ZNF676: variants seen among roughly 807,000 people sequenced by gnomAD.
The protein encoded by ZNF676 is zinc finger protein 676.
Under a neutral mutation model 6.0 loss-of-function variants are expected in ZNF676, and 4 were observed. The observed-to-expected ratio is 0.67, with a 90% CI of 0.33 to 1.53. The LOEUF (loss-of-function observed/expected upper bound fraction) is 1.53, where lower values mean the gene tolerates loss of function less well. ZNF676 is among the 40% of genes most tolerant of loss of function. ZNF676 has a pLI of 0.06. For missense variants in ZNF676, 644 were observed against 679.7 expected (o/e 0.95, Z 0.58); for synonymous variants, 198 against 223.1 (o/e 0.89, Z 1.00).
the ZNF676 span, among the ~76,000 whole-genome samples, chr19:22,251,901 G>A: frequency 1.3e-5 from 2 of 151,978 alleles, no homozygotes; most frequent in Admixed American, 6.6e-5. Flanking sequence ...GTTTACTTGG[G>A]ATAATTTTAC....
the ZNF676 span, among the ~76,000 whole-genome samples, chr19:22,224,994 C>CA: frequency 1.6e-4 from 23 of 146,868 alleles, 1 homozygote; most frequent in Middle Eastern, 3.5e-3. Flanking sequence ...GACCCTCTGT[C>CA]AAAAAAAAAA....
intron 2 of ZNF676, among the ~76,000 whole-genome samples, chr19:22,187,861 A>G (rs1348538751): frequency 1.3e-5 from 2 of 152,154 alleles, no homozygotes; most frequent in African/African-American, 4.8e-5. Flanking sequence ...CAAGTTCTGA[A>G]ATTGAGGCGG....
At chr19:22,245,795 C>A in the ZNF676 span, among the ~76,000 whole-genome samples, 1 of 152,050 alleles carries the variant, frequency 6.6e-6, no homozygotes, top group South Asian at 2.1e-4. Context: ...TTGGACCCAG[C>A]CATATATCAC....
At chr19:22,182,635 T>C (rs936393752) in intron 2 of ZNF676, among the ~76,000 whole-genome samples, 1 of 61,816 alleles carries the variant, frequency 1.6e-5, no homozygotes, top group Non-Finnish European at 3.4e-5. Context: ...AAAGTGAGAA[T>C]AAATACCATC....
upstream of ZNF676, among the ~76,000 whole-genome samples, chr19:22,200,297 T>C (rs2024011432): frequency 6.6e-6 from 1 of 151,906 alleles, no homozygotes; most frequent in Non-Finnish European, 1.5e-5. Flanking sequence ...CTTAGCAGGG[T>C]AAAAGAACTA....
chr19:22,195,188 A>G (rs2023954046), intron 1 of ZNF676, among the ~76,000 whole-genome samples: 1 of 152,196 alleles, frequency 6.6e-6, no homozygotes, highest in South Asian at 2.1e-4. Flanking sequence ...TGGGAGCACA[A>G]CTACATGAGA....
the ZNF676 span, among the ~76,000 whole-genome samples, chr19:22,223,384 C>A: frequency 3.9e-5 from 6 of 152,132 alleles, no homozygotes; most frequent in Non-Finnish European, 5.9e-5. Flanking sequence ...TGAAGAAATT[C>A]TTCAACCTGA....
At chr19:22,253,382 A>ATATATGATAATGTG in the ZNF676 span, among the ~76,000 whole-genome samples, 1 of 102,872 alleles carries the variant, frequency 9.7e-6, no homozygotes, top group African/African-American at 3.6e-5. Context: ...GTATATATAT[A>ATATATGATAATGTG]TATATATATA....
At chr19:22,235,048 AGG>A in the ZNF676 span, among the ~76,000 whole-genome samples, 107 of 147,896 alleles carry the variant, frequency 7.2e-4, no homozygotes, top group African/African-American at 2.5e-3. Context: ...AAAAGAAGGA[AGG>A]CAGAAAGGCA....
the ZNF676 span, among the ~76,000 whole-genome samples, chr19:22,240,438 C>G: frequency 6.6e-6 from 1 of 151,858 alleles, no homozygotes; most frequent in African/African-American, 2.4e-5. Context: ...AGGGTCCAGG[C>G]AGGAGACTCA....
the ZNF676 span, among the ~76,000 whole-genome samples, chr19:22,249,449 G>A: frequency 6.6e-6 from 1 of 152,100 alleles, no homozygotes; most frequent in Admixed American, 6.6e-5. Flanking sequence ...TTTCGTTCCT[G>A]TTGCCCAAGC....
chr19:22,242,308 G>A, the ZNF676 span, among the ~76,000 whole-genome samples: 151 of 152,032 alleles, frequency 9.9e-4, 1 homozygote, highest in Non-Finnish European at 1.7e-3. Flanking sequence ...CTTAGTGCTA[G>A]GCCAAGGGCT....
Position 22,181,488 on chromosome 19 carries a change from C to G in ZNF676, c.229G>C (p.Glu77Gln), listed in dbSNP as rs756136777. Residue 77 changes from glutamate to glutamine, a missense_variant, in exon 3 of 3, where the codon GAG becomes CAG. Transcript: ENST00000397121. ...ILRRYDKCGH[E>Q]NLHLKISCTN... The stretch of plus-strand genomic sequence containing the variant: ...CAACTAATTTTTAAGTGTAAATTCT[C>G]ATGTCCACATTTGTCATATCTTCTC... 1.7e-5 allele frequency: 28 copies of G among 1,613,374 alleles called. No individual in the cohort carries two copies. The African/African-American group carries it at 3.7e-4, about 22-fold the overall frequency.
the ZNF676 span, among the ~76,000 whole-genome samples, chr19:22,243,098 G>A: frequency 6.6e-6 from 1 of 151,892 alleles, no homozygotes; most frequent in African/African-American, 2.4e-5. Context: ...TCACCTAGGT[G>A]CTGGGCCCAG....
intron 1 of ZNF676, among the ~76,000 whole-genome samples, chr19:22,214,066 A>C (rs2024159230): frequency 6.6e-6 from 1 of 152,238 alleles, no homozygotes; most frequent in Non-Finnish European, 1.5e-5. Flanking sequence ...ATGTACACTA[A>C]AGGACAAATA....
At chr19:22,246,049 C>T in the ZNF676 span, among the ~76,000 whole-genome samples, 1 of 152,052 alleles carries the variant, frequency 6.6e-6, no homozygotes, top group African/African-American at 2.4e-5. Context: ...ATATGCAGGG[C>T]CCAGGCAAAC....
At chr19:22,208,390 CACA>C (rs1039398042) in intron 1 of ZNF676, among the ~76,000 whole-genome samples, 13 of 151,798 alleles carry the variant, frequency 8.6e-5, no homozygotes, top group Middle Eastern at 3.4e-3. Context: ...AAAAGAAAAC[CACA>C]ACAAGAAATC....
Position 22,180,813 on chromosome 19 carries a change from T to G in ZNF676, c.904A>C (p.Ile302Leu). Residue 302 changes from isoleucine to leucine, a missense_variant, in exon 3 of 3, where the codon ATT (isoleucine) becomes CTT (leucine). Ile to Leu is a conservative substitution (Grantham distance 5). Coordinates refer to ENST00000397121, the MANE Select transcript of ZNF676 (RefSeq NM_001001411.3). ...TTGTAGGGTTTCTCTCCAGTATGAA[T>G]TCTCTTATGTTCCATGAGCTTTGAG... is the stretch of plus-strand genomic sequence containing the variant. ...SSSKLMEHKR[I>L]HTGEKPYKCE... is the part of the protein sequence containing the mutation. 2.7e-6 allele frequency: 1 copy of G among 372,414 alleles called. No homozygotes were observed. The highest frequency in any genetic ancestry group is 3.3e-6 in the Non-Finnish European group (1 of 307,018). The allele number at this position is 372,414 out of a possible 1,614,324, so 23.1% of individuals were successfully genotyped here.
intron 2 of ZNF676, among the ~76,000 whole-genome samples, chr19:22,190,869 C>T (rs1028410760): frequency 3.3e-5 from 5 of 151,140 alleles, no homozygotes; most frequent in African/African-American, 4.9e-5. Flanking sequence ...TAACATTATG[C>T]AAAATGAAAT....
Sources: gnomAD v4.1 joint callset for allele counts (sites outside exome capture counted in the v4.1 genomes callset) on GRCh38, gnomAD v4.1.1 for gene constraint, MANE v1.5 for transcripts, NCBI Gene and HGNC (gene_info 2026-07-23, HGNC 2026-07-21) for gene names.